DEUP1: variants seen among roughly 807,000 people sequenced by gnomAD.
DEUP1 encodes deuterosome assembly protein 1, also known as coiled-coil domain containing 67.
A neutral mutation model predicts 87.4 loss-of-function variants in DEUP1; 82 were observed. The observed-to-expected ratio is 0.94, with a 90% CI of 0.78 to 1.13. The LOEUF (loss-of-function observed/expected upper bound fraction) is 1.13, where lower values mean the gene tolerates loss of function less well. Among genes scored for constraint, DEUP1 ranks in the 50% most tolerant of loss-of-function variants. The pLI is 0.00. For missense variants in DEUP1, 663 were observed against 681.5 expected (o/e 0.97, Z 0.30); for synonymous variants, 214 against 222.7 (o/e 0.96, Z 0.35).
chr11:93,349,518 G>T (rs187974605), intron 2 of DEUP1, among the ~76,000 whole-genome samples: 2 of 152,064 alleles, frequency 1.3e-5, no homozygotes, highest in East Asian at 3.9e-4. Context: ...CCCCCTCTGA[G>T]CTGATTAGAC....
In DEUP1 at chr11:93,414,163, G is replaced by A. The variant is rs562579942; in HGVS notation, c.1524-837G>A. ...AGTAACTGGAGGAGCTTAGGAGATG[G>A]TGTAAATTGAAAGCATGTTTTAAAT... is the stretch of plus-strand genomic sequence containing the variant. On this transcript the variant is annotated intron_variant, in intron 12 of 13. Coordinates refer to ENST00000298050, the MANE Select transcript of DEUP1 (RefSeq NM_181645.4). 1.4e-3 allele frequency among the ~76,000 whole-genome samples: 213 copies of A among 152,266 alleles called. 1 individual carries two copies. Among genetic ancestry groups the A allele is most frequent in the Non-Finnish European group, 2.3e-3 (156 of 68,022 alleles).
At chr11:93,370,746 A>AT (rs1279280590) in intron 6 of DEUP1, among the ~76,000 whole-genome samples, 2 of 152,016 alleles carry the variant, frequency 1.3e-5, no homozygotes, top group African/African-American at 4.8e-5. Context: ...GTATAATTGA[A>AT]TTTTTTACAC....
At chr11:93,363,939 A>G (rs1037452350) in intron 4 of DEUP1, among the ~76,000 whole-genome samples, 1 of 152,008 alleles carries the variant, frequency 6.6e-6, no homozygotes, top group African/African-American at 2.4e-5. Context: ...TTAACTGTGC[A>G]GTTAATGAAT....
chr11:93,357,138 C>T, intron 4 of DEUP1, 95 bp downstream of exon 4: 1 of 722,694 alleles, frequency 1.4e-6, no homozygotes, highest in Admixed American at 3.3e-5. Flanking sequence ...TCAGTATAAA[C>T]AAATGTCTTG....
At chr11:93,353,272 T>G (rs1171381383) in intron 2 of DEUP1, among the ~76,000 whole-genome samples, 1 of 152,202 alleles carries the variant, frequency 6.6e-6, no homozygotes, top group Non-Finnish European at 1.5e-5. Context: ...CTCCTATGAC[T>G]TCAGGTCTCA....
chr11:93,390,774 A>G (rs1399047677), intron 9 of DEUP1, among the ~76,000 whole-genome samples: 1 of 152,170 alleles, frequency 6.6e-6, no homozygotes, highest in Admixed American at 6.5e-5. Context: ...AAGGTAACAA[A>G]TGAATTTTAT....
At chr11:93,387,652 A>C (rs936773840) in intron 8 of DEUP1, among the ~76,000 whole-genome samples, 4 of 152,120 alleles carry the variant, frequency 2.6e-5, no homozygotes, top group African/African-American at 9.7e-5. Flanking sequence ...ATTTTGCAAG[A>C]CCACCATGAG....
At chr11:93,352,709 T>G (rs1944685026) in intron 2 of DEUP1, among the ~76,000 whole-genome samples, 1 of 152,142 alleles carries the variant, frequency 6.6e-6, no homozygotes, top group South Asian at 2.1e-4. Context: ...AAGGCACTTC[T>G]TACATGGGGG....
chr11:93,397,763 AT>A (rs1352224822), intron 11 of DEUP1, among the ~76,000 whole-genome samples: 1 of 152,156 alleles, frequency 6.6e-6, no homozygotes, highest in Non-Finnish European at 1.5e-5. Context: ...TAAGGAGGAG[AT>A]GGGTTGAATG....
chr11:93,370,306 C>T (rs536241158), intron 6 of DEUP1, 120 bp downstream of exon 6: 4 of 602,044 alleles, frequency 6.6e-6, no homozygotes, highest in Non-Finnish European at 8.8e-6. Context: ...GAGAGTAGGT[C>T]CAAAGGTGGG....
chr11:93,405,914 G>C (rs1947260884), intron 11 of DEUP1, among the ~76,000 whole-genome samples: 1 of 151,754 alleles, frequency 6.6e-6, no homozygotes, highest in Non-Finnish European at 1.5e-5. Flanking sequence ...GGTTATTTTT[G>C]TATGCTAAAA....
At chr11:93,348,451 T>A (rs923386372) in intron 2 of DEUP1, among the ~76,000 whole-genome samples, 3 of 152,210 alleles carry the variant, frequency 2.0e-5, no homozygotes, top group Admixed American at 2.0e-4. Context: ...GAGATCTAAC[T>A]TTTTGATGTG....
chr11:93,331,360 G>A (rs947844611), intron 1 of DEUP1, among the ~76,000 whole-genome samples: 1 of 139,938 alleles, frequency 7.1e-6, no homozygotes, highest in Non-Finnish European at 1.6e-5. Context: ...GTGTTACTGA[G>A]AAAAACTTTT....
intron 4 of DEUP1, among the ~76,000 whole-genome samples, chr11:93,360,926 T>TAAAAAAAAAAAAAAAAA (rs1945146685): frequency 9.5e-6 from 1 of 105,108 alleles, no homozygotes; most frequent in Non-Finnish European, 2.1e-5. Flanking sequence ...AAAAAAAAAG[T>TAAAAAAAAAAAAAAAAA]AAACCTGCAG....
intron 2 of DEUP1, among the ~76,000 whole-genome samples, chr11:93,344,004 A>G (rs1944204632): frequency 6.6e-6 from 1 of 152,206 alleles, no homozygotes; most frequent in African/African-American, 2.4e-5. Context: ...TGATGACAGT[A>G]ACATTTTTTG....
chr11:93,371,335 C>T, intron 7 of DEUP1, 55 bp downstream of exon 7: 1 of 1,511,926 alleles, frequency 6.6e-7, no homozygotes, highest in Non-Finnish European at 9.0e-7. Flanking sequence ...TAAATGGTAA[C>T]ACATATAGAG....
Position 93,396,323 on chromosome 11 carries a change from A to C in DEUP1, c.1324A>C (p.Met442Leu). The change falls in exon 11 of 14, where the codon ATG (methionine) becomes CTG (leucine). Residue 442 changes from methionine to leucine, a missense_variant and splice_region_variant. Transcript: ENST00000298050. ...MMGDLDPGEY[M>L]SMDFTNREQS... ...GGGAGATTTAGACCCCGGAGAATACATGGTAATATGCTGACATCATTCAAT... is the reference window on the plus strand; with the variant it reads ...GGGAGATTTAGACCCCGGAGAATACCTGGTAATATGCTGACATCATTCAAT... The C allele has an allele frequency of 1.3e-6, 2 of 1,522,552 alleles. No individual in the cohort carries two copies. The highest frequency in any genetic ancestry group is 1.8e-6 in the Non-Finnish European group (2 of 1,115,270). The allele number at this position is 1,522,552 out of a possible 1,614,324, so 94.3% of individuals were successfully genotyped here. A position where few individuals can be genotyped will look rare whatever the true frequency, so the allele number is the denominator to read the frequency against.
chr11:93,378,704 T>C (rs1209899429), intron 7 of DEUP1, among the ~76,000 whole-genome samples: 2 of 152,140 alleles, frequency 1.3e-5, no homozygotes. Context: ...TTGGGTAGAC[T>C]ATGTCAGATG....
intron 13 of DEUP1, chr11:93,415,318 A>G (rs999758956): frequency 2.6e-5 from 8 of 312,250 alleles, no homozygotes; most frequent in African/African-American, 6.5e-5. Flanking sequence ...AAAGTGTTTC[A>G]GTCAATGATT....
Sources: allele counts gnomAD v4.1 joint callset (sites outside exome capture counted in the v4.1 genomes callset), GRCh38; gene constraint gnomAD v4.1.1; transcripts MANE v1.5; gene names NCBI Gene and HGNC (gene_info 2026-07-23, HGNC 2026-07-21).